The following WSCD2 variants were observed in gnomAD, a reference collection of about 807,000 sequenced individuals.
The protein encoded by WSCD2 is WSC domain sialate O sulfotransferase 2, also known as sialate:O-sulfotransferase 2.
Under a neutral mutation model 55.7 loss-of-function variants are expected in WSCD2, and 28 were observed. The ratio of observed to expected loss-of-function variants is 0.50; its 90% confidence interval spans 0.37 to 0.69. The LOEUF is 0.69. WSCD2 is among the 30% of genes least tolerant of loss of function. WSCD2 has a pLI of 0.00. For synonymous variants in WSCD2, 301 were observed against 301.9 expected (o/e 1.00, Z 0.03); for missense variants, 616 against 762.1 (o/e 0.81, Z 2.26).
chr12:108,188,160 G>A (rs1882743740), intron 1 of WSCD2, among the ~76,000 whole-genome samples: 1 of 152,136 alleles, frequency 6.6e-6, no homozygotes, highest in Non-Finnish European at 1.5e-5. Flanking sequence ...AAATGAAAAT[G>A]GACATGGTTG....
chr12:108,190,794 G>C (rs1387448722), intron 1 of WSCD2, among the ~76,000 whole-genome samples: 6 of 152,210 alleles, frequency 3.9e-5, no homozygotes, highest in Admixed American at 2.0e-4. Context: ...CAGCCCTGGG[G>C]GGGAGGCAGA....
At chr12:108,131,231 T>G (rs1430243811) in intron 1 of WSCD2, among the ~76,000 whole-genome samples, 1 of 152,202 alleles carries the variant, frequency 6.6e-6, no homozygotes, top group African/African-American at 2.4e-5. Context: ...TCATTTGCTG[T>G]GTGACTTTGG....
rs76862774 is a variant in WSCD2, at chr12:108,194,318, G to A, written c.-551-964G>A. ...CCCACACCCGGGAGACCCTGACAAA[G>A]GGTGAGCCATGCTGGTGACCGGGAG... On this transcript the variant is annotated intron_variant, in intron 1 of 8. Coordinates refer to ENST00000547525, the MANE Select transcript of WSCD2 (RefSeq NM_014653.4). Among the ~76,000 whole-genome samples the A allele has an allele frequency of 3.1e-3, 479 of 152,320 alleles. 6 individuals carry two copies. Among genetic ancestry groups the A allele is most frequent in the African/African-American group, 0.011 (463 of 41,570 alleles).
In WSCD2 at chr12:108,189,039, G is replaced by A. The variant is rs59401158; in HGVS notation, c.-551-6243G>A. On this transcript the variant is annotated intron_variant, in intron 1 of 8. Coordinates refer to ENST00000547525, the MANE Select transcript of WSCD2 (RefSeq NM_014653.4). ...TTACATACAGGATGTTTATCATAGC[G>A]TTACTTATTTATAAAAGAGGGAAGA... Among the ~76,000 whole-genome samples, 489 of 152,206 alleles carry A rather than the reference G, an allele frequency of 3.2e-3. 6 individuals carry two copies. Among genetic ancestry groups the A allele is most frequent in the African/African-American group, 0.011 (456 of 41,522 alleles).
At chr12:108,205,415 A>C (rs1885238880) in intron 2 of WSCD2, among the ~76,000 whole-genome samples, 1 of 152,244 alleles carries the variant, frequency 6.6e-6, no homozygotes, top group Non-Finnish European at 1.5e-5. Flanking sequence ...AATAATCTTA[A>C]AAAACATATG....
chr12:108,220,827 T>A (rs935084944), intron 4 of WSCD2, among the ~76,000 whole-genome samples: 9 of 152,190 alleles, frequency 5.9e-5, no homozygotes, highest in African/African-American at 2.2e-4. Flanking sequence ...TGTGACTCAC[T>A]GCACCCTGCC....
chr12:108,143,637 C>T (rs1877084991), intron 1 of WSCD2, among the ~76,000 whole-genome samples: 1 of 152,140 alleles, frequency 6.6e-6, no homozygotes, highest in Non-Finnish European at 1.5e-5. Context: ...ACTGATGTTA[C>T]AATTGTGATT....
intron 1 of WSCD2, among the ~76,000 whole-genome samples, chr12:108,141,969 G>A (rs973157721): frequency 5.9e-5 from 9 of 152,304 alleles, no homozygotes; most frequent in Non-Finnish European, 1.2e-4. Flanking sequence ...AGAGAACAGG[G>A]TGATTTCAGC....
At chr12:108,224,210 C>G (rs1179581190) in intron 4 of WSCD2, among the ~76,000 whole-genome samples, 1 of 152,116 alleles carries the variant, frequency 6.6e-6, no homozygotes, top group Non-Finnish European at 1.5e-5. Context: ...GTGCCCAATA[C>G]TGGGTAGGTA....
At chr12:108,244,975 T>G (rs1209345956) in intron 8 of WSCD2, among the ~76,000 whole-genome samples, 4 of 152,218 alleles carry the variant, frequency 2.6e-5, no homozygotes, top group Non-Finnish European at 1.5e-5. Context: ...TACCACATTT[T>G]CTTTATCCAG....
At chr12:108,243,656 G>A (rs1268846055) in intron 8 of WSCD2, among the ~76,000 whole-genome samples, 1 of 152,188 alleles carries the variant, frequency 6.6e-6, no homozygotes, top group African/African-American at 2.4e-5. Context: ...GACATCACCT[G>A]GGAGATTTTT....
chr12:108,133,580 A>G (rs1875847629), intron 1 of WSCD2, among the ~76,000 whole-genome samples: 1 of 152,142 alleles, frequency 6.6e-6, no homozygotes, highest in Non-Finnish European at 1.5e-5. Context: ...AACATTTAAG[A>G]TCACTCTTCT....
intron 1 of WSCD2, among the ~76,000 whole-genome samples, chr12:108,183,711 AGAGAGGAGGCCCC>A (rs1407259718): frequency 4.6e-5 from 7 of 152,182 alleles, no homozygotes; most frequent in African/African-American, 1.7e-4. Flanking sequence ...CTTGCCCCAC[AGAGAGGAGGCCCC>A]GAGGTCAGAG....
At chr12:108,204,173 C>T (rs1204397925) in intron 2 of WSCD2, among the ~76,000 whole-genome samples, 8 of 152,120 alleles carry the variant, frequency 5.3e-5, no homozygotes, top group East Asian at 1.9e-4. Flanking sequence ...GTAGATAGCA[C>T]GTAGTAGGTG....
chr12:108,170,386 A>T (rs1364486302), intron 1 of WSCD2, among the ~76,000 whole-genome samples: 1 of 152,132 alleles, frequency 6.6e-6, no homozygotes, highest in Non-Finnish European at 1.5e-5. Flanking sequence ...AATGATGATG[A>T]TGGTGATGAT....
intron 6 of WSCD2, among the ~76,000 whole-genome samples, chr12:108,228,988 C>T (rs1220139580): frequency 6.6e-6 from 1 of 152,182 alleles, no homozygotes; most frequent in Non-Finnish European, 1.5e-5. Context: ...TCATGAATGG[C>T]TTTGAGGTGG....
At chr12:108,162,778 A>G (rs1179371878) in intron 1 of WSCD2, among the ~76,000 whole-genome samples, 1 of 152,186 alleles carries the variant, frequency 6.6e-6, no homozygotes. Flanking sequence ...AGGCCCTTCC[A>G]GAACAGTTTC....
At chr12:108,188,649 A>G (rs917380097) in intron 1 of WSCD2, among the ~76,000 whole-genome samples, 3 of 152,170 alleles carry the variant, frequency 2.0e-5, no homozygotes, top group East Asian at 1.9e-4. Flanking sequence ...TCCACCACCA[A>G]GAAGGGTGAG....
At chr12:108,243,728 A>G (rs1210363442) in intron 8 of WSCD2, among the ~76,000 whole-genome samples, 2 of 152,098 alleles carry the variant, frequency 1.3e-5, no homozygotes, top group Non-Finnish European at 2.9e-5. Flanking sequence ...CTTTAACAAG[A>G]TTTCCCCAGA....
Sources: gnomAD v4.1 joint callset for allele counts (sites outside exome capture counted in the v4.1 genomes callset) on GRCh38, gnomAD v4.1.1 for gene constraint, MANE v1.5 for transcripts, NCBI Gene and HGNC (gene_info 2026-07-23, HGNC 2026-07-21) for gene names.